GRIA2: variants seen among roughly 807,000 people sequenced by gnomAD.
The protein encoded by GRIA2 is glutamate ionotropic receptor AMPA type subunit 2.
GRIA2 carries 14 observed loss-of-function variants against 97.3 expected under a neutral mutation model. That is an observed-to-expected ratio of 0.14 (90% confidence interval 0.10 to 0.23). GRIA2 has a LOEUF of 0.23. GRIA2 is among the 10% of genes least tolerant of loss of function. The probability of loss-of-function intolerance (pLI) is 1.00; values close to 1 mark genes in which losing one functional copy is unlikely to be tolerated. For synonymous variants in GRIA2, 412 were observed against 387.8 expected (o/e 1.06, Z -0.73); for missense variants, 558 against 1,069.8 (o/e 0.52, Z 6.67).
chr4:157,246,192 T>A (rs55950730), intron 2 of GRIA2, among the ~76,000 whole-genome samples: 11,232 of 152,198 alleles, frequency 0.074, 528 homozygotes, highest in Non-Finnish European at 0.1. Flanking sequence ...TATTTCTTTG[T>A]TATTCCTGTG....
At chr4:157,303,231 T>C (rs987358133) in intron 2 of GRIA2, among the ~76,000 whole-genome samples, 1 of 152,166 alleles carries the variant, frequency 6.6e-6, no homozygotes, top group African/African-American at 2.4e-5. Flanking sequence ...CTACAGTTTG[T>C]TCTTATAGCT....
chr4:157,323,007 C>T (rs750565537), intron 6 of GRIA2, among the ~76,000 whole-genome samples: 5 of 152,008 alleles, frequency 3.3e-5, no homozygotes, highest in Admixed American at 6.5e-5. Context: ...TTTTCAAAAA[C>T]GAGGTGACTT....
intron 2 of GRIA2, among the ~76,000 whole-genome samples, chr4:157,290,621 C>T (rs1269065781): frequency 3.3e-5 from 5 of 151,590 alleles, no homozygotes; most frequent in African/African-American, 1.2e-4. Context: ...TCGATGCTGA[C>T]TTACTTTATA....
At chr4:157,229,785 A>G (rs1353571651) in intron 2 of GRIA2, among the ~76,000 whole-genome samples, 1 of 152,036 alleles carries the variant, frequency 6.6e-6, no homozygotes, top group Non-Finnish European at 1.5e-5. Context: ...ATTTCTATGA[A>G]GTTTATTTTC....
chr4:157,293,151 G>A (rs1015387255), intron 2 of GRIA2, among the ~76,000 whole-genome samples: 1 of 152,066 alleles, frequency 6.6e-6, no homozygotes, highest in African/African-American at 2.4e-5. Flanking sequence ...TGATAGCATG[G>A]ATAACCTTTC....
rs1732911127 is a variant in GRIA2 at position 157,287,767 on chromosome 4, C to T, written c.230-15785C>T. 2.6e-5 allele frequency among the ~76,000 whole-genome samples: 4 copies of T among 151,406 alleles called. No individual in the cohort carries two copies. In the South Asian group the frequency reaches 8.3e-4, roughly 31 times the overall value. On this transcript the variant is annotated intron_variant, in intron 2 of 15. Transcript: ENST00000264426. ...TTTTCACAATTCTGTCCTATGTTCT[C>T]ATACTAGGGAGTATCCAAAGTCTTT...
At chr4:157,322,597 G>C (rs1226610987) in intron 6 of GRIA2, among the ~76,000 whole-genome samples, 1 of 152,164 alleles carries the variant, frequency 6.6e-6, no homozygotes, top group East Asian at 1.9e-4. Flanking sequence ...TTTTCCTTCA[G>C]TTGGTAACCT....
chr4:157,338,396 G>A (rs1223872777), intron 11 of GRIA2, among the ~76,000 whole-genome samples: 1 of 151,894 alleles, frequency 6.6e-6, no homozygotes, highest in Non-Finnish European at 1.5e-5. Flanking sequence ...GTAGATGCCT[G>A]CGCCTGGGCA....
Position 157,221,888 on chromosome 4 carries a change from T to C in GRIA2, c.229+81T>C, listed in dbSNP as rs1729513140. On this transcript the variant is annotated intron_variant, in intron 2 of 15. Transcript: ENST00000264426. ...TGAGTGTGTGTGTGCGTTTCTGGGG[T>C]GGTGTGTGTGCGTTTCTGTGTGTCA... 15 of 1,303,752 alleles carry C rather than the reference T, an allele frequency of 1.2e-5. No homozygotes were observed. In the Admixed American group the frequency reaches 1.4e-4, roughly 12 times the overall value. 80.8% of individuals were successfully genotyped at this position (1,303,752 alleles called of 1,614,324 possible). A position where few individuals can be genotyped will look rare whatever the true frequency, so the allele number is the denominator to read the frequency against.
chr4:157,344,220 T>C (rs1260439511), intron 12 of GRIA2, among the ~76,000 whole-genome samples: 1 of 152,144 alleles, frequency 6.6e-6, no homozygotes, highest in Non-Finnish European at 1.5e-5. Flanking sequence ...AACTGTAATA[T>C]GTCTATTGGC....
At chr4:157,235,884 T>A (rs897184281) in intron 2 of GRIA2, among the ~76,000 whole-genome samples, 1 of 152,052 alleles carries the variant, frequency 6.6e-6, no homozygotes, top group African/African-American at 2.4e-5. Flanking sequence ...CTGAAGAAGC[T>A]AGTTGCAGGT....
chr4:157,289,596 G>T (rs1733002914), intron 2 of GRIA2, among the ~76,000 whole-genome samples: 1 of 151,700 alleles, frequency 6.6e-6, no homozygotes, highest in South Asian at 2.1e-4. Flanking sequence ...CATTTAACTT[G>T]TTACTTCGAA....
intron 2 of GRIA2, among the ~76,000 whole-genome samples, chr4:157,256,245 T>A (rs1554007404): frequency 0.01 from 862 of 82,148 alleles, 46 homozygotes; most frequent in African/African-American, 0.045. Flanking sequence ...TATATATATA[T>A]AATATATAAA....
At chr4:157,245,212 T>C (rs547194747) in intron 2 of GRIA2, among the ~76,000 whole-genome samples, 1 of 152,066 alleles carries the variant, frequency 6.6e-6, no homozygotes, top group South Asian at 2.1e-4. Context: ...CTTCCTATAA[T>C]CTCCAACTCG....
intron 5 of GRIA2, among the ~76,000 whole-genome samples, chr4:157,319,376 A>T (rs930893814): frequency 5.3e-5 from 8 of 152,246 alleles, no homozygotes; most frequent in African/African-American, 1.9e-4. Flanking sequence ...ATCTGATGCT[A>T]TTAAAATGAA....
At chr4:157,277,343 A>G (rs889313871) in intron 2 of GRIA2, among the ~76,000 whole-genome samples, 14 of 151,936 alleles carry the variant, frequency 9.2e-5, no homozygotes, top group African/African-American at 3.4e-4. Context: ...TTCATTCATG[A>G]TAATGATTAT....
In GRIA2 at chr4:157,284,459, A is replaced by T. The variant is rs570142478; in HGVS notation, c.230-19093A>T. ...ATTATTCATTCAAATCATTTTATTA[A>T]ATATGTCAGACCTACACACAGTTAT... On this transcript the variant is annotated intron_variant, in intron 2 of 15. Coordinates refer to ENST00000264426, the MANE Select transcript of GRIA2 (RefSeq NM_001083619.3). Among the ~76,000 whole-genome samples, 3 of 151,514 alleles carry T rather than the reference A, an allele frequency of 2.0e-5. No homozygotes were observed. The South Asian group carries it at 6.2e-4, about 32-fold the overall frequency.
At chr4:157,241,189 G>T (rs1730494271) in intron 2 of GRIA2, among the ~76,000 whole-genome samples, 1 of 152,072 alleles carries the variant, frequency 6.6e-6, no homozygotes, top group African/African-American at 2.4e-5. Context: ...GTGATTGAAG[G>T]CTTTGATGGA....
intron 2 of GRIA2, among the ~76,000 whole-genome samples, chr4:157,294,277 TA>T (rs1733239800): frequency 6.6e-6 from 1 of 152,090 alleles, no homozygotes; most frequent in African/African-American, 2.4e-5. Context: ...TTATTTTGTT[TA>T]AAAGTAGGTT....
Sources: gnomAD v4.1 joint callset for allele counts (sites outside exome capture counted in the v4.1 genomes callset) on GRCh38, gnomAD v4.1.1 for gene constraint, MANE v1.5 for transcripts, NCBI Gene and HGNC (gene_info 2026-07-23, HGNC 2026-07-21) for gene names.